The following GRB10 variants were observed in gnomAD, a reference collection of about 807,000 sequenced individuals.
GRB10 encodes growth factor receptor-bound protein 10.
Under a neutral mutation model 80.9 loss-of-function variants are expected in GRB10, and 20 were observed. That is an observed-to-expected ratio of 0.25 (90% CI 0.17 to 0.36). GRB10 has a LOEUF of 0.36. Ranked by LOEUF, GRB10 falls within the 10% of genes least tolerant of loss-of-function variation. The pLI is 1.00. For synonymous variants in GRB10, 291 were observed against 291.5 expected (o/e 1.00, Z 0.02); for missense variants, 548 against 747.7 (o/e 0.73, Z 3.12).
intron 7 of GRB10, among the ~76,000 whole-genome samples, chr7:50,633,966 A>G (rs2529388): frequency 0.53 from 80,211 of 152,088 alleles, 21,302 homozygotes; most frequent in Admixed American, 0.54. Flanking sequence ...AAACATATTT[A>G]AGGGAAATAA....
rs769024948 is a variant in GRB10 at position 50,669,872 on chromosome 7, C to T, written c.363-9G>A. ...CTTCCTCCTGAAGGCGCCTGGAAGG[C>T]AGGGATAAGTGCCTGTTAAAAGCTG... On this transcript the variant is annotated splice_polypyrimidine_tract_variant and intron_variant, in intron 6 of 18. Coordinates refer to ENST00000401949, the MANE Select transcript of GRB10 (RefSeq NM_001350814.2). 28 of 1,606,826 alleles carry T rather than the reference C, an allele frequency of 1.7e-5. 1 individual carries two copies. In the South Asian group the frequency reaches 3.0e-4, roughly 17 times the overall value.
intron 4 of GRB10, chr7:50,710,761 A>G (rs1361898740): frequency 6.1e-6 from 7 of 1,154,172 alleles, no homozygotes; most frequent in Non-Finnish European, 9.1e-6. Context: ...CACCTTCCTG[A>G]GGCAGAACGA....
rs2153636590 is a variant in GRB10 at position 50,669,770 on chromosome 7, A to T, written c.456T>A (p.Pro152=). The T allele has an allele frequency of 6.2e-7, 1 of 1,613,914 alleles. No homozygotes were observed. Among genetic ancestry groups the T allele is most frequent in the East Asian group, 2.2e-5 (1 of 44,878 alleles). ...GAGGTAAAGAACCCGGCGTGAGCAC[A>T]GGGGGGCTCCCAGGGCCACAGAGTT... The part of the protein sequence containing the change: ...FPELCGPGSP[P]VLTPGSLPPS... Residue 152 remains proline, a synonymous_variant, in exon 7 of 19, where the codon CCT becomes CCA. Coordinates refer to ENST00000401949, the MANE Select transcript of GRB10 (RefSeq NM_001350814.2).
intron 2 of GRB10, among the ~76,000 whole-genome samples, chr7:50,767,795 G>A (rs370713238): frequency 1.3e-5 from 2 of 152,124 alleles, no homozygotes; most frequent in African/African-American, 4.8e-5. Context: ...TCCTACACTG[G>A]GCTGCTCACA....
chr7:50,723,236 C>T (rs1357457017), intron 4 of GRB10, among the ~76,000 whole-genome samples: 2 of 152,038 alleles, frequency 1.3e-5, no homozygotes, highest in Admixed American at 1.3e-4. Flanking sequence ...CAAATTCCAA[C>T]TCTGTGTCCA....
At chr7:50,720,526 G>C (rs943578050) in intron 4 of GRB10, among the ~76,000 whole-genome samples, 4 of 152,204 alleles carry the variant, frequency 2.6e-5, no homozygotes, top group African/African-American at 9.6e-5. Context: ...CAGAGGACAG[G>C]CACATCCCGG....
chr7:50,723,168 T>A (rs540051658), intron 4 of GRB10, among the ~76,000 whole-genome samples: 36 of 152,316 alleles, frequency 2.4e-4, no homozygotes, highest in African/African-American at 8.4e-4. Flanking sequence ...AGCTTTTTTT[T>A]CTTTAAAAAA....
Position 50,592,459 on chromosome 7 carries a change from G to C in GRB10, c.*493C>G, listed in dbSNP as rs1585344954. 1 of 179,192 alleles carries C rather than the reference G, an allele frequency of 5.6e-6. No homozygotes were observed. The highest frequency in any genetic ancestry group is 1.4e-4 in the East Asian group (1 of 7,024). The allele number at this position is 179,192 out of a possible 1,614,324, so 11.1% of individuals were successfully genotyped here. ...GGGACCCATATTCAGTTTGAAATCT[G>C]CCCATTCAAAACTCTTTCTGTATTA... On this transcript the variant is annotated 3_prime_UTR_variant, in exon 19 of 19. Transcript: ENST00000401949.
chr7:50,607,696 G>T (rs2048782663), intron 13 of GRB10, among the ~76,000 whole-genome samples: 1 of 152,214 alleles, frequency 6.6e-6, no homozygotes, highest in Non-Finnish European at 1.5e-5. Flanking sequence ...TCACGACTTT[G>T]AACGTACACG....
At chr7:50,614,000 T>C (rs1261001367) in intron 12 of GRB10, among the ~76,000 whole-genome samples, 1 of 152,108 alleles carries the variant, frequency 6.6e-6, no homozygotes, top group African/African-American at 2.4e-5. Context: ...GCTGTGAAGA[T>C]TAAGATAATG....
intron 7 of GRB10, among the ~76,000 whole-genome samples, chr7:50,666,856 C>T (rs1037600531): frequency 1.3e-5 from 2 of 151,926 alleles, no homozygotes; most frequent in Admixed American, 6.6e-5. Flanking sequence ...CTGGCTAACA[C>T]GGTGAAACCC....
At chr7:50,608,484 T>C (rs937388903) in intron 13 of GRB10, among the ~76,000 whole-genome samples, 1 of 152,082 alleles carries the variant, frequency 6.6e-6, no homozygotes, top group African/African-American at 2.4e-5. Context: ...ATTTAGGAAA[T>C]ATTAAAGTGC....
At chr7:50,595,100 C>T (rs529617153) in intron 18 of GRB10, among the ~76,000 whole-genome samples, 71 of 152,202 alleles carry the variant, frequency 4.7e-4, no homozygotes, top group African/African-American at 1.7e-3. Context: ...TCCTTCCCAT[C>T]AGTACCCTTT....
At chr7:50,714,943 A>G (rs1487585182) in intron 4 of GRB10, among the ~76,000 whole-genome samples, 1 of 152,132 alleles carries the variant, frequency 6.6e-6, no homozygotes, top group East Asian at 1.9e-4. Context: ...AGCAGAAGGA[A>G]GAGAGAAATC....
chr7:50,686,917 T>TA (rs1563443469), intron 5 of GRB10, among the ~76,000 whole-genome samples: 1 of 152,214 alleles, frequency 6.6e-6, no homozygotes, highest in Non-Finnish European at 1.5e-5. Flanking sequence ...TCACTAAATG[T>TA]AAGTTTTATT....
intron 1 of GRB10, among the ~76,000 whole-genome samples, chr7:50,788,451 G>C (rs1414468852): frequency 1.3e-5 from 2 of 152,100 alleles, no homozygotes; most frequent in Middle Eastern, 3.2e-3. Context: ...AGCTCCCAGA[G>C]TGAGACCCCT....
chr7:50,764,416 C>A (rs2076112690), intron 2 of GRB10, among the ~76,000 whole-genome samples: 1 of 152,234 alleles, frequency 6.6e-6, no homozygotes. Flanking sequence ...TGTATCCCAT[C>A]TCTTAGCACA....
At chr7:50,742,271 G>GCGCACACA (rs1189043181) in intron 3 of GRB10, among the ~76,000 whole-genome samples, 104 of 46,900 alleles carry the variant, frequency 2.2e-3, no homozygotes, top group Non-Finnish European at 3.9e-3. Flanking sequence ...ACGCGCGCGC[G>GCGCACACA]CACACACACA....
chr7:50,682,593 A>C (rs1233057061), intron 5 of GRB10, among the ~76,000 whole-genome samples: 1 of 152,230 alleles, frequency 6.6e-6, no homozygotes, highest in Admixed American at 6.5e-5. Flanking sequence ...GTATTTGACA[A>C]GTTAAAAACC....
Sources: gnomAD v4.1 joint callset for allele counts (sites outside exome capture counted in the v4.1 genomes callset) on GRCh38, gnomAD v4.1.1 for gene constraint, MANE v1.5 for transcripts, NCBI Gene and HGNC (gene_info 2026-07-23, HGNC 2026-07-21) for gene names.